HNRNPM: variants seen among roughly 807,000 people sequenced by gnomAD.
HNRNPM encodes the protein heterogeneous nuclear ribonucleoprotein M.
HNRNPM carries 11 observed loss-of-function variants against 73.1 expected under a neutral mutation model. The observed-to-expected ratio is 0.15, with a 90% CI of 0.09 to 0.25. The LOEUF (loss-of-function observed/expected upper bound fraction) is 0.25. Ranked by LOEUF, HNRNPM falls within the 10% of genes least tolerant of loss-of-function variation. HNRNPM has a pLI of 1.00. For synonymous variants in HNRNPM, 407 were observed against 355.2 expected (o/e 1.15, Z -1.64); for missense variants, 789 against 1,067.9 (o/e 0.74, Z 3.64).
At chr19:8,476,044 T>G (rs1970481837) in intron 12 of HNRNPM, among the ~76,000 whole-genome samples, 1 of 151,914 alleles carries the variant, frequency 6.6e-6, no homozygotes, top group Non-Finnish European at 1.5e-5. Context: ...CTGAGCCGTG[T>G]GACACAGTCG....
At chr19:8,472,796 G>A (rs1170825424) in intron 10 of HNRNPM, among the ~76,000 whole-genome samples, 15 of 152,186 alleles carry the variant, frequency 9.9e-5, no homozygotes, top group East Asian at 1.9e-4. Flanking sequence ...TGGTCAGGCC[G>A]GGCTGGAACT....
intron 12 of HNRNPM, among the ~76,000 whole-genome samples, chr19:8,479,956 G>A (rs1319545618): frequency 6.8e-6 from 1 of 146,432 alleles, no homozygotes; most frequent in East Asian, 2.2e-4. Flanking sequence ...TTGTATTTTT[G>A]TAGAGATGGG....
At chr19:8,469,292 C>A (rs185175118) in intron 9 of HNRNPM, among the ~76,000 whole-genome samples, 13 of 152,272 alleles carry the variant, frequency 8.5e-5, no homozygotes, top group Non-Finnish European at 1.5e-4. Context: ...AAATGCTCCG[C>A]ATAGATAAAT....
rs770001698 is a variant in HNRNPM at position 8,486,031 on chromosome 19, G to T, written c.1603G>T (p.Ala535Ser). 3 of 1,606,708 alleles carry T rather than the reference G, an allele frequency of 1.9e-6. No homozygotes were observed. Among genetic ancestry groups the T allele is most frequent in the Non-Finnish European group, 2.5e-6 (3 of 1,179,574 alleles). The change falls in exon 14 of 16, where the codon GCA becomes TCA. Residue 535 changes from alanine to serine, a missense_variant. Around this residue, in one of 4 missense-constraint regions of HNRNPM, gnomAD observed 604 missense variants for 744.0 expected, o/e 0.81. Transcript: ENST00000325495. ...MGLSMERMVPAGMGAGLERMG... is the reference protein window; with the variant it reads ...MGLSMERMVPSGMGAGLERMG... The stretch of plus-strand genomic sequence containing the variant: ...CCTGAGCATGGAGCGCATGGTGCCC[G>T]CAGGTATGGGAGCTGGCCTGGAGCG...
chr19:8,487,831 CCCACT>C (rs1971421280), intron 15 of HNRNPM: 1 of 152,330 alleles, frequency 6.6e-6, no homozygotes, highest in Non-Finnish European at 1.5e-5. Context: ...CACCTCTTTC[CCCACT>C]CCTGAGTTCC....
intron 2 of HNRNPM, among the ~76,000 whole-genome samples, chr19:8,456,362 T>C (rs1232466462): frequency 6.6e-6 from 1 of 152,208 alleles, no homozygotes. Flanking sequence ...TTCCTTTCTT[T>C]CCTGATTCTT....
intron 1 of HNRNPM, among the ~76,000 whole-genome samples, chr19:8,448,407 T>A (rs1003253579): frequency 3.3e-5 from 5 of 152,140 alleles, no homozygotes; most frequent in Middle Eastern, 3.4e-3. Context: ...TATAGGTTTT[T>A]AAAATTTTTT....
At chr19:8,480,892 G>A (rs1970870115) in intron 12 of HNRNPM, among the ~76,000 whole-genome samples, 1 of 152,104 alleles carries the variant, frequency 6.6e-6, no homozygotes, top group Admixed American at 6.5e-5. Context: ...TCCCGCTGCG[G>A]TTACACCTTC....
chr19:8,458,387 G>A (rs998176223), intron 2 of HNRNPM, among the ~76,000 whole-genome samples: 1 of 152,218 alleles, frequency 6.6e-6, no homozygotes, highest in African/African-American at 2.4e-5. Context: ...TAAGGACTGG[G>A]TGGAAAAAAT....
chr19:8,481,167 C>A (rs1228016213), intron 12 of HNRNPM, among the ~76,000 whole-genome samples: 1 of 152,194 alleles, frequency 6.6e-6, no homozygotes, highest in African/African-American at 2.4e-5. Flanking sequence ...GCTGTACTTG[C>A]TGCTTCAAAA....
At chr19:8,486,428 C>G (rs745966706) in intron 14 of HNRNPM, 23 bp downstream of exon 14, 14 of 1,536,718 alleles carry the variant, frequency 9.1e-6, no homozygotes, top group African/African-American at 1.4e-5. Flanking sequence ...TGGGGAACTT[C>G]TTGGTGGTGG....
At position 8,488,976 on chromosome 19, in the gene HNRNPM, A is replaced by C; in HGVS notation, c.*122A>C. On this transcript the variant is annotated 3_prime_UTR_variant, in exon 16 of 16. Coordinates refer to ENST00000325495, the MANE Select transcript of HNRNPM (RefSeq NM_005968.5). ...AAAAAATTCAGTTGCTTTTTGGGGT[A>C]ATTTGAATTACTTTTTTAATGACTG... 1.1e-6 allele frequency: 1 copy of C among 889,254 alleles called. No homozygotes were observed. The highest frequency in any genetic ancestry group is 1.7e-6 in the Non-Finnish European group (1 of 593,954). The allele number at this position is 889,254 out of a possible 1,614,324, so 55.1% of individuals were successfully genotyped here.
chr19:8,486,994 C>T, intron 14 of HNRNPM, 30 bp from the exon 15 acceptor site: 1 of 1,591,652 alleles, frequency 6.3e-7, no homozygotes, highest in South Asian at 1.1e-5. Context: ...TTTAATCACG[C>T]ATCAGTCTCC....
intron 9 of HNRNPM, among the ~76,000 whole-genome samples, chr19:8,469,440 C>A (rs1483241184): frequency 6.6e-6 from 1 of 152,132 alleles, no homozygotes; most frequent in Non-Finnish European, 1.5e-5. Context: ...AGTTGCATAT[C>A]TCTGAATATA....
intron 2 of HNRNPM, among the ~76,000 whole-genome samples, chr19:8,460,576 C>T (rs1293976262): frequency 1.3e-5 from 2 of 152,178 alleles, no homozygotes; most frequent in African/African-American, 4.8e-5. Flanking sequence ...ATTTCTAAAC[C>T]TCTCTTTTTG....
chr19:8,484,117 G>A (rs1971103935), intron 13 of HNRNPM, among the ~76,000 whole-genome samples: 1 of 150,914 alleles, frequency 6.6e-6, no homozygotes, highest in Non-Finnish European at 1.5e-5. Flanking sequence ...CTCACCTCCT[G>A]ACTTCTGTGT....
chr19:8,463,844 A>G (rs1272044383), intron 5 of HNRNPM, 158 bp downstream of exon 5: 1 of 595,796 alleles, frequency 1.7e-6, no homozygotes, highest in Non-Finnish European at 3.0e-6. Context: ...TACAGCAGCC[A>G]TTCCCTGCAA....
chr19:8,471,256 A>G lies in HNRNPM; in HGVS notation c.896-70A>G, dbSNP rs896221522. 5 of 944,556 alleles carry G rather than the reference A, an allele frequency of 5.3e-6. No individual in the cohort carries two copies. The Admixed American group carries it at 1.1e-4, about 21-fold the overall frequency. The allele number at this position is 944,556 out of a possible 1,614,324, so 58.5% of individuals were successfully genotyped here. A position where few individuals can be genotyped will look rare whatever the true frequency, so the allele number is the denominator to read the frequency against. On this transcript the variant is annotated intron_variant, in intron 9 of 15. Transcript: ENST00000325495. Reference sequence around the variant, plus strand: ...AGTGGATAGCTGCAACTCACTAAACACTCTTTTCCTTTGAGGGTCAAGGTT... The same window carrying G: ...AGTGGATAGCTGCAACTCACTAAACGCTCTTTTCCTTTGAGGGTCAAGGTT...
At chr19:8,453,056 TG>T (rs940096037) in intron 1 of HNRNPM, among the ~76,000 whole-genome samples, 4 of 152,064 alleles carry the variant, frequency 2.6e-5, no homozygotes, top group African/African-American at 9.7e-5. Context: ...GTCGAACTCT[TG>T]GGTTTAAGTA....
Sources: allele counts gnomAD v4.1 joint callset (sites outside exome capture counted in the v4.1 genomes callset), GRCh38; gene constraint gnomAD v4.1.1; regional missense constraint gnomAD v4.1.1; transcripts MANE v1.5; gene names NCBI Gene and HGNC (gene_info 2026-07-23, HGNC 2026-07-21).